INPP4B: variants seen among roughly 807,000 people sequenced by gnomAD.
The protein encoded by INPP4B is inositol polyphosphate-4-phosphatase type II B.
A neutral mutation model predicts 122.5 loss-of-function variants in INPP4B; 55 were observed. The ratio of observed to expected loss-of-function variants is 0.45; its 90% CI spans 0.36 to 0.56. INPP4B has a LOEUF of 0.56. Ranked by LOEUF, INPP4B falls within the 20% of genes least tolerant of loss-of-function variation. The pLI, the probability that INPP4B is intolerant of heterozygous loss-of-function variation, is 0.00. For synonymous variants in INPP4B, 403 were observed against 388.7 expected (o/e 1.04, Z -0.43); for missense variants, 1,000 against 1,097.7 (o/e 0.91, Z 1.26).
chr4:142,522,134 A>G (rs1457158242), intron 2 of INPP4B, among the ~76,000 whole-genome samples: 1 of 151,836 alleles, frequency 6.6e-6, no homozygotes, highest in Non-Finnish European at 1.5e-5. Context: ...TTTATGATTT[A>G]CCTTTGATTT....
intron 2 of INPP4B, among the ~76,000 whole-genome samples, chr4:142,502,983 A>G (rs2149828239): frequency 6.6e-6 from 1 of 152,326 alleles, no homozygotes; most frequent in African/African-American, 2.4e-5. Context: ...TTCTCATATG[A>G]AGCCTTGGAA....
At chr4:142,767,068 C>A (rs1401538612) in intron 1 of INPP4B, among the ~76,000 whole-genome samples, 1 of 152,298 alleles carries the variant, frequency 6.6e-6, no homozygotes, top group Admixed American at 6.5e-5. Context: ...CACTGGTTTC[C>A]TCAATGATAA....
intron 2 of INPP4B, among the ~76,000 whole-genome samples, chr4:142,642,835 T>C (rs1473341395): frequency 2.6e-5 from 4 of 152,336 alleles, no homozygotes; most frequent in Non-Finnish European, 5.9e-5. Flanking sequence ...GGGGATGGCA[T>C]TGAATCTATA....
chr4:142,373,699 TTG>T (rs1258980624), intron 7 of INPP4B, among the ~76,000 whole-genome samples: 1 of 151,994 alleles, frequency 6.6e-6, no homozygotes, highest in Non-Finnish European at 1.5e-5. Flanking sequence ...TACTAAGAGT[TTG>T]TTCCTGTGGT....
intron 25 of INPP4B, among the ~76,000 whole-genome samples, chr4:142,058,009 G>A (rs1030179114): frequency 6.6e-6 from 1 of 151,924 alleles, no homozygotes. Flanking sequence ...TGTATTTCTT[G>A]CCTCCCCTAC....
Position 142,759,825 on chromosome 4 carries a change from T to TAAAAAAA in INPP4B, c.-253-33931_-253-33925dup, listed in dbSNP as rs70949188. Reference sequence around the variant, plus strand: ...CCCAGAGCTTATATAGAGCTTTTTCTAAAAAAAAAAAAAAAAAAAAAAAAA... The same window carrying TAAAAAAA: ...CCCAGAGCTTATATAGAGCTTTTTCTAAAAAAAAAAAAAAAAAAAAAAAAAAAAAAAA... On this transcript the variant is annotated intron_variant, in intron 1 of 25. Transcript: ENST00000262992. Among the ~76,000 whole-genome samples, 292 of 70,016 alleles carry TAAAAAAA rather than the reference T, an allele frequency of 4.2e-3. 2 individuals carry two copies. The highest frequency in any genetic ancestry group is 5.5e-3 in the Non-Finnish European group (213 of 38,570). The allele number at this position is 70,016 out of a possible 152,430, so 45.9% of individuals were successfully genotyped here.
intron 2 of INPP4B, among the ~76,000 whole-genome samples, chr4:142,626,558 C>A (rs1746455191): frequency 6.6e-6 from 1 of 151,988 alleles, no homozygotes; most frequent in South Asian, 2.1e-4. Context: ...TGGAAAAGGG[C>A]TCTAAGTTCC....
At chr4:142,563,129 C>T (rs1379204624) in intron 2 of INPP4B, among the ~76,000 whole-genome samples, 3 of 152,100 alleles carry the variant, frequency 2.0e-5, no homozygotes, top group Non-Finnish European at 4.4e-5. Context: ...AATAGGTCAA[C>T]TGATATGACA....
At position 142,248,303 on chromosome 4, in the gene INPP4B, T is replaced by C. The variant is rs190288766; in HGVS notation, c.689-10292A>G. Among the ~76,000 whole-genome samples, 9 of 150,424 alleles carry C rather than the reference T, an allele frequency of 6.0e-5. No homozygotes were observed. The East Asian group carries it at 1.8e-3, about 30-fold the overall frequency. On this transcript the variant is annotated intron_variant, in intron 11 of 25. Transcript: ENST00000262992. ...CCCGTTCCTCCCCCTCCTTTCCCTC[T>C]CTCTGTCTCTGTGTTTCTCTCTCTC... is the stretch of plus-strand genomic sequence containing the variant.
chr4:142,752,893 A>G (rs1769942401), intron 1 of INPP4B, among the ~76,000 whole-genome samples: 1 of 152,032 alleles, frequency 6.6e-6, no homozygotes, highest in Non-Finnish European at 1.5e-5. Context: ...ATTAATAGAG[A>G]GTTACTAGAA....
intron 15 of INPP4B, among the ~76,000 whole-genome samples, chr4:142,175,813 C>T (rs914958842): frequency 2.0e-5 from 3 of 152,162 alleles, no homozygotes; most frequent in East Asian, 1.9e-4. Flanking sequence ...CAAACAGCTC[C>T]ACATTATTTT....
intron 2 of INPP4B, among the ~76,000 whole-genome samples, chr4:142,625,700 G>T (rs1180619623): frequency 6.6e-6 from 1 of 152,078 alleles, no homozygotes; most frequent in African/African-American, 2.4e-5. Context: ...AAAGAACAAA[G>T]CTGGAGGCAT....
rs1779478332 is a variant in INPP4B at position 142,091,418 on chromosome 4, T to TA, written c.2375-5163dup. Among the ~76,000 whole-genome samples the TA allele has an allele frequency of 2.6e-5, 4 of 152,152 alleles. No homozygotes were observed. In the South Asian group the frequency reaches 8.3e-4, roughly 32 times the overall value. On this transcript the variant is annotated intron_variant, in intron 23 of 25. Transcript: ENST00000262992. ...TTGACCAGTAATGGAAAACAATGAATAAAACTCTTGGCAGAAAAGGCTACA... is the reference window on the plus strand; with the variant it reads ...TTGACCAGTAATGGAAAACAATGAATAAAAACTCTTGGCAGAAAAGGCTACA...
intron 2 of INPP4B, among the ~76,000 whole-genome samples, chr4:142,722,722 T>A (rs1358511529): frequency 6.6e-6 from 1 of 152,202 alleles, no homozygotes; most frequent in Admixed American, 6.5e-5. Context: ...GAGCATACTG[T>A]GCTGATGTTA....
chr4:142,705,919 T>C (rs1047487217), intron 2 of INPP4B, among the ~76,000 whole-genome samples: 3 of 152,206 alleles, frequency 2.0e-5, no homozygotes, highest in African/African-American at 7.2e-5. Flanking sequence ...TTGTCCTAAA[T>C]GGAAATGTAA....
At chr4:142,472,744 C>T (rs1819104336) in intron 2 of INPP4B, among the ~76,000 whole-genome samples, 1 of 152,060 alleles carries the variant, frequency 6.6e-6, no homozygotes, top group African/African-American at 2.4e-5. Flanking sequence ...AAATCAGAGG[C>T]ACTGTATCTC....
At chr4:142,157,342 C>T (rs944443505) in intron 17 of INPP4B, among the ~76,000 whole-genome samples, 8 of 151,988 alleles carry the variant, frequency 5.3e-5, no homozygotes, top group Non-Finnish European at 7.4e-5. Context: ...CAGTAGAAAG[C>T]GGTTGCTAAG....
intron 17 of INPP4B, among the ~76,000 whole-genome samples, chr4:142,153,483 T>G (rs573983976): frequency 6.6e-6 from 1 of 152,206 alleles, no homozygotes; most frequent in Non-Finnish European, 1.5e-5. Flanking sequence ...GTATGCAAGT[T>G]TGTATATTCA....
rs72941147 is a variant in INPP4B at position 142,327,605 on chromosome 4, A to G, written c.373-12843T>C. ...ATAGAATTCTACCAAAGCATCTAATAGTTTAATCAATGGTTCTCAACATGG... is the reference window on the plus strand; with the variant it reads ...ATAGAATTCTACCAAAGCATCTAATGGTTTAATCAATGGTTCTCAACATGG... On this transcript the variant is annotated intron_variant, in intron 7 of 25. Transcript: ENST00000262992. Among the ~76,000 whole-genome samples, 737 of 152,272 alleles carry G rather than the reference A, an allele frequency of 4.8e-3. 3 individuals are homozygous for G. Among genetic ancestry groups the G allele is most frequent in the African/African-American group, 0.017 (701 of 41,546 alleles).
Sources: allele counts gnomAD v4.1 joint callset (sites outside exome capture counted in the v4.1 genomes callset), GRCh38; gene constraint gnomAD v4.1.1; transcripts MANE v1.5; gene names NCBI Gene and HGNC (gene_info 2026-07-23, HGNC 2026-07-21).